The following SBF2 variants were observed in gnomAD, a reference collection of about 807,000 sequenced individuals.
The protein encoded by SBF2 is SET binding factor 2.
In SBF2, 112 loss-of-function variants were observed where a neutral mutation model predicts 225.2. That is an observed-to-expected ratio of 0.50 (90% CI 0.43 to 0.58). The LOEUF is 0.58. SBF2 is among the 20% of genes least tolerant of loss of function. The pLI is 0.00. For synonymous variants in SBF2, 763 were observed against 773.3 expected, an observed-to-expected ratio of 0.99 and a Z score of 0.22; for missense variants, 1,996 against 2,206.2, an observed-to-expected ratio of 0.90 and a Z score of 1.91.
At chr11:10,055,046 C>T (rs1360980588) in intron 2 of SBF2, among the ~76,000 whole-genome samples, 2 of 152,086 alleles carry the variant, frequency 1.3e-5, no homozygotes, top group Admixed American at 6.5e-5. Context: ...GAACTATAGG[C>T]GTGCACCACC....
chr11:10,258,101 C>CACACAT, intron 1 of SBF2, among the ~76,000 whole-genome samples: 1 of 147,188 alleles, frequency 6.8e-6, no homozygotes, highest in Non-Finnish European at 1.5e-5. Context: ...CACACACACA[C>CACACAT]ACACACACTT....
At chr11:9,786,924 G>T (rs1165911898) in intron 36 of SBF2, among the ~76,000 whole-genome samples, 1 of 152,184 alleles carries the variant, frequency 6.6e-6, no homozygotes, top group African/African-American at 2.4e-5. Flanking sequence ...ACGGAGTCTT[G>T]TTCTGTCACG....
intron 2 of SBF2, among the ~76,000 whole-genome samples, chr11:10,147,346 C>G (rs1954938840): frequency 2.0e-5 from 3 of 151,946 alleles, no homozygotes; most frequent in Admixed American, 6.6e-5. Flanking sequence ...AGACTGGATA[C>G]AGAAAATGTG....
intron 22 of SBF2, among the ~76,000 whole-genome samples, 175 bp downstream of exon 22, chr11:9,849,848 A>C (rs187519849): frequency 6.6e-6 from 1 of 152,312 alleles, no homozygotes; most frequent in East Asian, 1.9e-4. Flanking sequence ...TCAAGTAAAA[A>C]ACTATGACCC....
At chr11:10,033,910 GAAAA>G in intron 3 of SBF2, among the ~76,000 whole-genome samples, 1 of 152,004 alleles carries the variant, frequency 6.6e-6, no homozygotes, top group East Asian at 1.9e-4. Flanking sequence ...GGAAAGATGT[GAAAA>G]ACTTAAAAAT....
intron 1 of SBF2, among the ~76,000 whole-genome samples, chr11:10,262,560 C>T (rs1339342467): frequency 1.3e-5 from 2 of 152,126 alleles, no homozygotes; most frequent in African/African-American, 4.8e-5. Context: ...CTCTTAGGGG[C>T]TGCTCTCTGA....
At chr11:10,116,402 A>AT (rs1953139419) in intron 2 of SBF2, among the ~76,000 whole-genome samples, 1 of 151,140 alleles carries the variant, frequency 6.6e-6, no homozygotes, top group African/African-American at 2.4e-5. Flanking sequence ...AAAACATGAA[A>AT]TCTTTAAGAA....
chr11:10,275,749 T>C (rs1426955570), intron 1 of SBF2, among the ~76,000 whole-genome samples: 2 of 152,156 alleles, frequency 1.3e-5, no homozygotes, highest in South Asian at 2.1e-4. Context: ...GAACAATTCA[T>C]TGTTTCAAAA....
At chr11:9,879,095 C>G (rs1183849074) in intron 17 of SBF2, among the ~76,000 whole-genome samples, 1 of 152,220 alleles carries the variant, frequency 6.6e-6, no homozygotes, top group Non-Finnish European at 1.5e-5. Context: ...ATTTATAGCA[C>G]CACATAATTG....
intron 16 of SBF2, among the ~76,000 whole-genome samples, chr11:9,923,944 A>G (rs1338006521): frequency 2.6e-5 from 4 of 152,166 alleles, no homozygotes; most frequent in Admixed American, 2.6e-4. Context: ...ATTAAAAAGC[A>G]ATTTTTGCTA....
At position 10,029,895 on chromosome 11, in the gene SBF2, T is replaced by A. The variant is rs199853636; in HGVS notation, c.403-20A>T. ...GCAAGCCTGCAAAAAGATAAATACA[T>A]GTAATTATTTCATGGAAAAAGCATT... On this transcript the variant is annotated intron_variant, in intron 4 of 39. Coordinates refer to ENST00000256190, the MANE Select transcript of SBF2 (RefSeq NM_030962.4). The A allele has an allele frequency of 6.8e-7, 1 of 1,460,748 alleles. No individual in the cohort carries two copies. The highest frequency in any genetic ancestry group is 2.3e-5 in the East Asian group (1 of 44,138). 90.5% of individuals were successfully genotyped at this position (1,460,748 alleles called of 1,614,324 possible).
chr11:9,965,297 C>CTTTTTTTTTTTTTTTTTTTTTTTTTTT (rs34056394), intron 14 of SBF2, among the ~76,000 whole-genome samples: 1 of 128,852 alleles, frequency 7.8e-6, no homozygotes, highest in Non-Finnish European at 1.6e-5. Context: ...ATGTTTTAAA[C>CTTTTTTTTTTTTTTTTTTTTTTTTTTT]TTTTTTTTTT....
intron 18 of SBF2, 144 bp from the exon 19 acceptor site, chr11:9,856,864 T>C: frequency 1.3e-6 from 1 of 791,080 alleles, no homozygotes; most frequent in Non-Finnish European, 2.0e-6. Flanking sequence ...CTTGGCTCAC[T>C]GCAAGCTCTG....
At chr11:9,838,591 A>T (rs1023441222) in intron 26 of SBF2, 3 of 152,240 alleles carry the variant, frequency 2.0e-5, no homozygotes, top group African/African-American at 7.2e-5. Flanking sequence ...CTGAAGTTTC[A>T]TATTAATATT....
rs561313580 is a variant in SBF2 at position 10,031,255 on chromosome 11, A to G, written c.280-85T>C. 8.8e-6 allele frequency: 11 copies of G among 1,253,812 alleles called. No individual in the cohort carries two copies. In the African/African-American group the frequency reaches 1.6e-4, roughly 19 times the overall value. 77.7% of individuals were successfully genotyped at this position (1,253,812 alleles called of 1,614,324 possible). On this transcript the variant is annotated intron_variant, in intron 3 of 39. Transcript: ENST00000256190. ...AAAAGATGAATATCACCTTAAATAT[A>G]ACTTATGCAAATTCAAAATTAATTA...
At chr11:10,052,968 G>A (rs1306198274) in intron 2 of SBF2, among the ~76,000 whole-genome samples, 1 of 152,074 alleles carries the variant, frequency 6.6e-6, no homozygotes, top group African/African-American at 2.4e-5. Flanking sequence ...TTTGTAACAT[G>A]TAACATTTCC....
At chr11:9,853,107 G>A (rs965864405) in intron 20 of SBF2, among the ~76,000 whole-genome samples, 7 of 152,150 alleles carry the variant, frequency 4.6e-5, no homozygotes, top group African/African-American at 1.4e-4. Context: ...GCCACAACAC[G>A]TATGAACCTT....
Position 9,856,726 on chromosome 11 carries a change from A to C in SBF2, c.2101-6T>G. ...TGGTCATCAGGAAGCTTATCCTAAAAAATAAAGCAACACAATCCAAAAGAG... is the reference window on the plus strand; with the variant it reads ...TGGTCATCAGGAAGCTTATCCTAAACAATAAAGCAACACAATCCAAAAGAG... On this transcript the variant is annotated splice_polypyrimidine_tract_variant and splice_region_variant and intron_variant, in intron 18 of 39. Transcript: ENST00000256190. 1 of 1,613,542 alleles carries C rather than the reference A, an allele frequency of 6.2e-7. No individual in the cohort carries two copies. Among genetic ancestry groups the C allele is most frequent in the East Asian group, 2.2e-5 (1 of 44,888 alleles).
intron 1 of SBF2, among the ~76,000 whole-genome samples, chr11:10,286,090 A>G: frequency 6.6e-6 from 1 of 151,950 alleles, no homozygotes; most frequent in Non-Finnish European, 1.5e-5. Flanking sequence ...AGCCTCCCAT[A>G]GTGATGGGAT....
Sources: gnomAD v4.1 joint callset for allele counts (sites outside exome capture counted in the v4.1 genomes callset) on GRCh38, gnomAD v4.1.1 for gene constraint, MANE v1.5 for transcripts, NCBI Gene and HGNC (gene_info 2026-07-23, HGNC 2026-07-21) for gene names.